The following TECPR2 variants were observed in gnomAD, a reference collection of about 807,000 sequenced individuals.
TECPR2 encodes the protein tectonin beta-propeller repeat-containing protein 2.
TECPR2 carries 65 observed loss-of-function variants against 138.1 expected under a neutral mutation model. That is an observed-to-expected ratio of 0.47 (90% CI 0.39 to 0.58). TECPR2 has a LOEUF of 0.58. Among genes scored for constraint, TECPR2 ranks in the 20% least tolerant of loss-of-function variants. TECPR2 has a pLI of 0.00. For missense variants in TECPR2, 1,553 were observed against 1,824.5 expected (o/e 0.85, Z 2.71); for synonymous variants, 746 against 749.8 (o/e 0.99, Z 0.08).
intron 4 of TECPR2, among the ~76,000 whole-genome samples, chr14:102,411,149 C>T (rs945477273): frequency 5.3e-5 from 8 of 152,252 alleles, no homozygotes; most frequent in Non-Finnish European, 1.2e-4. Flanking sequence ...TATGTTCCCA[C>T]GCCGCCCCTA....
chr14:102,418,151 T>G (rs1889079169), intron 5 of TECPR2, among the ~76,000 whole-genome samples: 1 of 152,088 alleles, frequency 6.6e-6, no homozygotes, highest in Non-Finnish European at 1.5e-5. Context: ...GAAGAAGTCT[T>G]GACCAGAGGG....
intron 17 of TECPR2, among the ~76,000 whole-genome samples, chr14:102,491,936 T>A (rs1891168950): frequency 6.6e-6 from 1 of 152,208 alleles, no homozygotes; most frequent in Non-Finnish European, 1.5e-5. Flanking sequence ...AATGATCACA[T>A]GCCTCCAATT....
chr14:102,498,823 G>A lies in TECPR2; in HGVS notation c.*566G>A, dbSNP rs1262118126. ...CTGAGGCCGGGCTTGAGAGGAGAGC[G>A]CTGGCCATGCCAGGAGAGAACCCAC... On this transcript the variant is annotated 3_prime_UTR_variant, in exon 20 of 20. Coordinates refer to ENST00000359520, the MANE Select transcript of TECPR2 (RefSeq NM_014844.5). 1.5e-5 allele frequency: 9 copies of A among 588,352 alleles called. No homozygotes were observed. Among genetic ancestry groups the A allele is most frequent in the East Asian group, 1.1e-4 (3 of 28,478 alleles). The allele number at this position is 588,352 out of a possible 1,614,324, so 36.4% of individuals were successfully genotyped here. A position where few individuals can be genotyped will look rare whatever the true frequency, so the allele number is the denominator to read the frequency against.
intron 16 of TECPR2, among the ~76,000 whole-genome samples, chr14:102,459,625 C>T (rs566329895): frequency 2.0e-5 from 3 of 152,268 alleles, no homozygotes; most frequent in African/African-American, 7.2e-5. Context: ...CAAAAATTAG[C>T]TGGGCATGGT....
chr14:102,419,411 G>A lies in TECPR2; in HGVS notation c.638+4618G>A, dbSNP rs1889117356. On this transcript the variant is annotated intron_variant, in intron 5 of 19. Transcript: ENST00000359520. This position sits in a 1 kb window ranked among gnomAD's most constrained non-coding sequence, Gnocchi z 4.8. ...TGCCCAGGGGGGAACCATGTGGCCT[G>A]GTGGGAGTTTTGGGAGAGGGGCCGT... 6.6e-6 allele frequency among the ~76,000 whole-genome samples: 1 copy of A among 152,122 alleles called. No homozygotes were observed. Among genetic ancestry groups the A allele is most frequent in the African/African-American group, 2.4e-5 (1 of 41,410 alleles).
At chr14:102,440,731 T>G in intron 11 of TECPR2, 122 bp downstream of exon 11, 2 of 1,214,724 alleles carry the variant, frequency 1.6e-6, no homozygotes, top group Non-Finnish European at 2.2e-6. Context: ...CCATTCGAAT[T>G]AAGACACTTC....
Position 102,498,915 on chromosome 14 carries a change from C to T in TECPR2, c.*658C>T, listed in dbSNP as rs761378068. On this transcript the variant is annotated 3_prime_UTR_variant, in exon 20 of 20. Transcript: ENST00000359520. ...CACAGCACACCTCACCACACCACAC[C>T]GCACTGCACCATACCTCACCACATC... 6 of 687,020 alleles carry T rather than the reference C, an allele frequency of 8.7e-6. No individual in the cohort carries two copies. Among genetic ancestry groups the T allele is most frequent in the South Asian group, 1.5e-5 (1 of 66,570 alleles). The allele number at this position is 687,020 out of a possible 1,614,324, so 42.6% of individuals were successfully genotyped here. A position where few individuals can be genotyped will look rare whatever the true frequency, so the allele number is the denominator to read the frequency against.
chr14:102,474,219 G>A (rs1235794256), intron 17 of TECPR2, among the ~76,000 whole-genome samples: 2 of 152,126 alleles, frequency 1.3e-5, no homozygotes, highest in Non-Finnish European at 2.9e-5. Flanking sequence ...AGTGAGCCAT[G>A]TTTGTACCAC....
chr14:102,455,172 C>T (rs1006033637), intron 16 of TECPR2, among the ~76,000 whole-genome samples: 9 of 152,300 alleles, frequency 5.9e-5, no homozygotes, highest in Non-Finnish European at 1.0e-4. Context: ...TCAGCAGATA[C>T]TCATTGAGGG....
At chr14:102,383,638 T>C (rs1007934284) in intron 2 of TECPR2, among the ~76,000 whole-genome samples, 1 of 151,764 alleles carries the variant, frequency 6.6e-6, no homozygotes, top group Admixed American at 6.6e-5. Flanking sequence ...AAACTCCTGA[T>C]CGCAAGTGAT....
At chr14:102,399,151 A>G (rs1888401192) in intron 2 of TECPR2, among the ~76,000 whole-genome samples, 1 of 152,122 alleles carries the variant, frequency 6.6e-6, no homozygotes, top group Admixed American at 6.5e-5. Flanking sequence ...AATCCCAGCC[A>G]TCTGGGTGCC....
intron 2 of TECPR2, among the ~76,000 whole-genome samples, chr14:102,404,774 G>A (rs1362521141): frequency 1.3e-5 from 2 of 151,278 alleles, no homozygotes; most frequent in East Asian, 4.0e-4. Context: ...ACAGGATTTC[G>A]TGTTAGCCAG....
intron 7 of TECPR2, among the ~76,000 whole-genome samples, chr14:102,431,565 A>C (rs943668395): frequency 6.6e-6 from 1 of 151,980 alleles, no homozygotes. Flanking sequence ...GATGGTCTTG[A>C]TCTCCTGACC....
chr14:102,405,106 G>A (rs1888622632), intron 2 of TECPR2, among the ~76,000 whole-genome samples: 1 of 151,944 alleles, frequency 6.6e-6, no homozygotes, highest in Non-Finnish European at 1.5e-5. Context: ...CCAGGAGTTT[G>A]AGACTAGCGG....
At position 102,498,506 on chromosome 14, in the gene TECPR2, T is replaced by A. The variant is rs960813398; in HGVS notation, c.*249T>A. 1.8e-6 allele frequency: 1 copy of A among 568,864 alleles called. No homozygotes were observed. Among genetic ancestry groups the A allele is most frequent in the Admixed American group, 3.1e-5 (1 of 32,110 alleles). The allele number at this position is 568,864 out of a possible 1,614,324, so 35.2% of individuals were successfully genotyped here. ...CTCAGGACAGTGGCGACTGCCCGGC[T>A]GCATGCACTCCGATTACCCACGTGC... On this transcript the variant is annotated 3_prime_UTR_variant, in exon 20 of 20. Coordinates refer to ENST00000359520, the MANE Select transcript of TECPR2 (RefSeq NM_014844.5).
chr14:102,380,967 T>G (rs995417110), intron 2 of TECPR2, among the ~76,000 whole-genome samples: 1 of 150,062 alleles, frequency 6.7e-6, no homozygotes, highest in Non-Finnish European at 1.5e-5. Context: ...CGTGAACCAC[T>G]GCACCAAGCT....
At chr14:102,494,523 A>C (rs1015020911) in intron 17 of TECPR2, among the ~76,000 whole-genome samples, 25 of 151,294 alleles carry the variant, frequency 1.7e-4, no homozygotes, top group African/African-American at 5.4e-4. Context: ...AGACACAGTG[A>C]GACTCAAAAA....
intron 1 of TECPR2, 52 bp from the exon 2 acceptor site, chr14:102,376,598 T>C (rs1171704305): frequency 2.4e-6 from 2 of 833,424 alleles, no homozygotes; most frequent in Non-Finnish European, 3.9e-6. Flanking sequence ...TTAAACATAC[T>C]TCTTTTTGCC....
intron 2 of TECPR2, among the ~76,000 whole-genome samples, chr14:102,391,239 A>G (rs188077429): frequency 6.6e-5 from 10 of 152,152 alleles, no homozygotes; most frequent in Admixed American, 6.5e-4. Flanking sequence ...TTGTATTTTT[A>G]ATAGAGACGG....
Sources: allele counts gnomAD v4.1 joint callset (sites outside exome capture counted in the v4.1 genomes callset), GRCh38; gene constraint gnomAD v4.1.1; non-coding constraint Gnocchi (gnomAD v3.1); transcripts MANE v1.5; gene names NCBI Gene and HGNC (gene_info 2026-07-23, HGNC 2026-07-21).